FUT9: variants seen among roughly 807,000 people sequenced by gnomAD.
FUT9 encodes the protein 4-galactosyl-N-acetylglucosaminide 3-alpha-L-fucosyltransferase 9.
A neutral mutation model predicts 29.7 loss-of-function variants in FUT9; 15 were observed. The ratio of observed to expected loss-of-function variants is 0.51; its 90% CI spans 0.34 to 0.78. FUT9 has a LOEUF of 0.78. Among genes scored for constraint, FUT9 ranks in the 30% least tolerant of loss-of-function variants. The pLI, the probability that FUT9 is intolerant of heterozygous loss-of-function variation, is 0.01. For missense variants in FUT9, 319 were observed against 425.4 expected, an observed-to-expected ratio of 0.75 and a Z score of 2.20; for synonymous variants, 169 against 153.7, an observed-to-expected ratio of 1.10 and a Z score of -0.74.
intron 1 of FUT9, among the ~76,000 whole-genome samples, chr6:96,073,016 C>A (rs1771087830): frequency 6.6e-6 from 1 of 152,172 alleles, no homozygotes; most frequent in Non-Finnish European, 1.5e-5. Context: ...GAGAGATACA[C>A]ATGAACAAAC....
chr6:96,116,732 A>G (rs1244968228), intron 2 of FUT9, among the ~76,000 whole-genome samples: 1 of 152,200 alleles, frequency 6.6e-6, no homozygotes, highest in Non-Finnish European at 1.5e-5. Context: ...TTAAATTCTG[A>G]AAAAGCCAAA....
intron 1 of FUT9, among the ~76,000 whole-genome samples, chr6:96,080,543 T>C (rs1486751924): frequency 2.0e-5 from 3 of 151,980 alleles, no homozygotes; most frequent in Non-Finnish European, 2.9e-5. Context: ...TAAAACACTA[T>C]ATTGGGAAAA....
At chr6:96,193,016 C>G (rs1461278684) in intron 2 of FUT9, among the ~76,000 whole-genome samples, 1 of 151,708 alleles carries the variant, frequency 6.6e-6, no homozygotes, top group Non-Finnish European at 1.5e-5. Flanking sequence ...AAACCTGAAA[C>G]GGGATCCCTT....
chr6:96,045,781 G>A (rs1025521288), intron 1 of FUT9, among the ~76,000 whole-genome samples: 1 of 152,180 alleles, frequency 6.6e-6, no homozygotes, highest in African/African-American at 2.4e-5. Context: ...TTATCACCAT[G>A]CTGCAAGACT....
chr6:96,087,847 A>C (rs1219125322), intron 1 of FUT9, among the ~76,000 whole-genome samples: 2 of 152,208 alleles, frequency 1.3e-5, no homozygotes, highest in African/African-American at 4.8e-5. Flanking sequence ...ACTCTTTGGC[A>C]TAGATCCATG....
At chr6:96,024,962 T>C (rs1770137717) in intron 1 of FUT9, among the ~76,000 whole-genome samples, 1 of 151,848 alleles carries the variant, frequency 6.6e-6, no homozygotes, top group Non-Finnish European at 1.5e-5. Context: ...ATAGATTTTC[T>C]CATTACTTCC....
At chr6:96,115,683 A>C (rs531743284) in intron 2 of FUT9, among the ~76,000 whole-genome samples, 9 of 152,312 alleles carry the variant, frequency 5.9e-5, no homozygotes, top group Middle Eastern at 3.4e-3. Context: ...TACCTAATGA[A>C]TTTTGAAGGC....
chr6:96,209,062 G>C lies in FUT9; in HGVS notation c.*4827G>C, dbSNP rs1773886150. 6.0e-6 allele frequency: 1 copy of C among 166,670 alleles called. No homozygotes were observed. Among genetic ancestry groups the C allele is most frequent in the Non-Finnish European group, 1.5e-5 (1 of 67,960 alleles). The allele number at this position is 166,670 out of a possible 1,614,324, so 10.3% of individuals were successfully genotyped here. A position where few individuals can be genotyped will look rare whatever the true frequency, so the allele number is the denominator to read the frequency against. ...GTTAACAGAATCTAAATAAGATATAGCCGGCTAAATCTGGAATGTGAGTGC... is the reference window on the plus strand; with the variant it reads ...GTTAACAGAATCTAAATAAGATATACCCGGCTAAATCTGGAATGTGAGTGC... On this transcript the variant is annotated 3_prime_UTR_variant, in exon 3 of 3. Coordinates refer to ENST00000302103, the MANE Select transcript of FUT9 (RefSeq NM_006581.4).
chr6:96,048,802 A>G (rs1770612727), intron 1 of FUT9, among the ~76,000 whole-genome samples: 2 of 152,130 alleles, frequency 1.3e-5, no homozygotes, highest in Admixed American at 6.5e-5. Context: ...ACCAAGTACA[A>G]TTGGAACTGA....
intron 2 of FUT9, among the ~76,000 whole-genome samples, chr6:96,174,062 A>G (rs1773160924): frequency 6.6e-6 from 1 of 152,124 alleles, no homozygotes; most frequent in Non-Finnish European, 1.5e-5. Flanking sequence ...CCAGTGGTTG[A>G]GACAGGAAAT....
chr6:96,056,095 G>T (rs1374429234), intron 1 of FUT9, among the ~76,000 whole-genome samples: 1 of 152,110 alleles, frequency 6.6e-6, no homozygotes, highest in Admixed American at 6.5e-5. Context: ...TTGAGTTTCT[G>T]CTGCTACTTG....
At chr6:96,184,695 G>A (rs1773373169) in intron 2 of FUT9, among the ~76,000 whole-genome samples, 1 of 151,926 alleles carries the variant, frequency 6.6e-6, no homozygotes, top group South Asian at 2.1e-4. Flanking sequence ...TTTCCATCTT[G>A]ATTTCATTGT....
chr6:96,140,257 A>G (rs1302176947), intron 2 of FUT9, among the ~76,000 whole-genome samples: 1 of 152,156 alleles, frequency 6.6e-6, no homozygotes, highest in East Asian at 1.9e-4. Context: ...CCATATCACT[A>G]TTCAGCATTT....
chr6:96,073,315 G>T (rs1165287876), intron 1 of FUT9, among the ~76,000 whole-genome samples: 1 of 152,016 alleles, frequency 6.6e-6, no homozygotes, highest in African/African-American at 2.4e-5. Context: ...CAGGCGTGGT[G>T]ACACACCCCT....
At chr6:96,104,903 G>A (rs948562809) in intron 1 of FUT9, among the ~76,000 whole-genome samples, 3 of 152,174 alleles carry the variant, frequency 2.0e-5, no homozygotes, top group Non-Finnish European at 4.4e-5. Flanking sequence ...GGCAGGTACA[G>A]ATTTTATTTT....
intron 1 of FUT9, among the ~76,000 whole-genome samples, chr6:96,024,160 T>A (rs932262352): frequency 2.0e-5 from 3 of 152,022 alleles, no homozygotes; most frequent in African/African-American, 4.8e-5. Flanking sequence ...TTTCTTTCTA[T>A]AAATCCAGTT....
At chr6:96,129,572 A>C (rs1421996195) in intron 2 of FUT9, among the ~76,000 whole-genome samples, 1 of 152,040 alleles carries the variant, frequency 6.6e-6, no homozygotes, top group African/African-American at 2.4e-5. Flanking sequence ...ATATGTATAA[A>C]TATATCTAAA....
At chr6:96,047,609 A>G (rs1286696540) in intron 1 of FUT9, among the ~76,000 whole-genome samples, 14 of 152,274 alleles carry the variant, frequency 9.2e-5, no homozygotes, top group African/African-American at 3.4e-4. Flanking sequence ...AAGGAAATGC[A>G]TTTCTCAATT....
At chr6:96,192,156 C>T (rs536679357) in intron 2 of FUT9, among the ~76,000 whole-genome samples, 30 of 152,186 alleles carry the variant, frequency 2.0e-4, no homozygotes, top group African/African-American at 6.7e-4. Flanking sequence ...ACAGAGATGC[C>T]CTCTCTCACC....
Sources: gnomAD v4.1 joint callset for allele counts (sites outside exome capture counted in the v4.1 genomes callset) on GRCh38, gnomAD v4.1.1 for gene constraint, MANE v1.5 for transcripts, NCBI Gene and HGNC (gene_info 2026-07-23, HGNC 2026-07-21) for gene names.